PHLDB2: variants seen among roughly 807,000 people sequenced by gnomAD.
PHLDB2 encodes the protein pleckstrin homology like domain family B member 2, also known as pleckstrin homology-like domain family B member 2.
Under a neutral mutation model 123.6 loss-of-function variants are expected in PHLDB2, and 71 were observed. The observed-to-expected ratio is 0.57, with a 90% confidence interval of 0.47 to 0.70. The LOEUF (loss-of-function observed/expected upper bound fraction) is 0.70. PHLDB2 is among the 30% of genes least tolerant of loss of function. PHLDB2 has a pLI of 0.00. For synonymous variants in PHLDB2, 547 were observed against 541.6 expected, an observed-to-expected ratio of 1.01 and a Z score of -0.14; for missense variants, 1,446 against 1,519.5, an observed-to-expected ratio of 0.95 and a Z score of 0.80.
intron 1 of PHLDB2, among the ~76,000 whole-genome samples, chr3:111,772,807 A>G (rs2060201045): frequency 6.6e-6 from 1 of 152,182 alleles, no homozygotes; most frequent in Admixed American, 6.5e-5. Flanking sequence ...ACATGATTTC[A>G]TAAACACCTC....
At chr3:111,887,630 A>G (rs10934119) in intron 2 of PHLDB2, among the ~76,000 whole-genome samples, 73,707 of 151,974 alleles carry the variant, frequency 0.48, 18,695 homozygotes, top group East Asian at 0.78. Context: ...TGAAAAAATA[A>G]AACATTAAAA....
At chr3:111,915,713 C>G (rs191921290) in intron 3 of PHLDB2, 1 of 152,322 alleles carries the variant, frequency 6.6e-6, no homozygotes, top group Admixed American at 6.5e-5. Flanking sequence ...GACAAGGGTG[C>G]GCCACTGAGC....
At chr3:111,927,778 A>G (rs2068896425) in intron 5 of PHLDB2, among the ~76,000 whole-genome samples, 1 of 152,210 alleles carries the variant, frequency 6.6e-6, no homozygotes, top group Non-Finnish European at 1.5e-5. Flanking sequence ...GTAACCTTGA[A>G]CCATCTGTTT....
chr3:111,926,815 G>C (rs1239469329), intron 5 of PHLDB2, among the ~76,000 whole-genome samples: 1 of 152,146 alleles, frequency 6.6e-6, no homozygotes, highest in African/African-American at 2.4e-5. Context: ...TTGTAAGGTT[G>C]AATATTCATA....
At chr3:111,803,178 A>C (rs140249955) in intron 1 of PHLDB2, among the ~76,000 whole-genome samples, 1 of 152,344 alleles carries the variant, frequency 6.6e-6, no homozygotes, top group African/African-American at 2.4e-5. Flanking sequence ...AGAGGATGGA[A>C]GAACACAGCA....
intron 2 of PHLDB2, among the ~76,000 whole-genome samples, chr3:111,889,626 C>T (rs72938261): frequency 0.02 from 2,982 of 152,242 alleles, 104 homozygotes; most frequent in African/African-American, 0.066. Context: ...TGATTGAGCT[C>T]AGGAGATTGA....
intron 1 of PHLDB2, among the ~76,000 whole-genome samples, chr3:111,780,125 A>C (rs2060349195): frequency 6.6e-6 from 1 of 151,254 alleles, no homozygotes; most frequent in African/African-American, 2.4e-5. Flanking sequence ...TGCCCCCACC[A>C]AAACTCATGC....
At chr3:111,796,314 G>A (rs1220383965) in intron 1 of PHLDB2, among the ~76,000 whole-genome samples, 1 of 152,216 alleles carries the variant, frequency 6.6e-6, no homozygotes, top group African/African-American at 2.4e-5. Context: ...TACCAGAAGT[G>A]TTAAGACACT....
intron 1 of PHLDB2, among the ~76,000 whole-genome samples, chr3:111,844,238 A>G (rs2108569641): frequency 6.6e-6 from 1 of 152,290 alleles, no homozygotes; most frequent in Non-Finnish European, 1.5e-5. Flanking sequence ...CCATTTTGAA[A>G]AAAAACAAAA....
chr3:111,769,496 G>A (rs188798079), intron 1 of PHLDB2, among the ~76,000 whole-genome samples: 51 of 152,210 alleles, frequency 3.4e-4, no homozygotes, highest in South Asian at 8.3e-4. Flanking sequence ...TCCCTCATCT[G>A]AACAGTTTGT....
At chr3:111,791,680 A>G (rs1325261776) in intron 1 of PHLDB2, among the ~76,000 whole-genome samples, 1 of 152,108 alleles carries the variant, frequency 6.6e-6, no homozygotes, top group African/African-American at 2.4e-5. Flanking sequence ...TTTACATTCT[A>G]AATTTCGTCA....
intron 2 of PHLDB2, among the ~76,000 whole-genome samples, chr3:111,887,336 A>C (rs1157303885): frequency 3.9e-5 from 6 of 152,198 alleles, no homozygotes; most frequent in Non-Finnish European, 2.9e-5. Flanking sequence ...GTATTTGTTG[A>C]AATGAGGCTT....
chr3:111,746,978 T>C (rs1405152239), intron 1 of PHLDB2, among the ~76,000 whole-genome samples: 1 of 152,184 alleles, frequency 6.6e-6, no homozygotes, highest in Non-Finnish European at 1.5e-5. Context: ...AGGGAACGTT[T>C]CCACCTAGAA....
In PHLDB2 at chr3:111,913,363, C is replaced by T; in HGVS notation, c.1380C>T (p.Tyr460=). 1 of 1,612,612 alleles carries T rather than the reference C, an allele frequency of 6.2e-7. No individual in the cohort carries two copies. Among genetic ancestry groups the T allele is most frequent in the Non-Finnish European group, 8.5e-7 (1 of 1,179,204 alleles). The part of the protein sequence containing the change: ...LETILSLCAE[Y]TKPDSRLSTG... ...CCATCCTCAGTCTCTGTGCTGAATA[C>T]ACAAAGCCTGACAGTCGCTTATCTA... The change falls in exon 3 of 18, where the codon TAC becomes TAT. Residue 460 remains tyrosine (Y), a synonymous_variant. Coordinates refer to ENST00000431670, the MANE Select transcript of PHLDB2 (RefSeq NM_001134438.2).
chr3:111,831,013 G>GAAAGAAAGAAAGAAAGA (rs1553736466), intron 1 of PHLDB2, among the ~76,000 whole-genome samples: 1,108 of 102,130 alleles, frequency 0.011, 90 homozygotes, highest in Middle Eastern at 0.018. Flanking sequence ...AAGAAAGAAA[G>GAAAGAAAGAAAGAAAGA]AAAGAAAGAA....
chr3:111,914,096 T>A (rs544096313), intron 3 of PHLDB2: 2 of 169,194 alleles, frequency 1.2e-5, no homozygotes, highest in South Asian at 3.3e-4. Context: ...TCTGTACTTT[T>A]TTTCCCTCAC....
rs538555039 is a variant in PHLDB2 at position 111,904,277 on chromosome 3, C to CCAAAAAA, written c.1336-9042_1336-9041insCAAAAAA. ...TGGGTGACAGAGTGAGACCCTGTCT[C>CCAAAAAA]AAAAAAAAAAAAGGCCAAGGGTTCT... On this transcript the variant is annotated intron_variant, in intron 2 of 17. Transcript: ENST00000431670. 3.5e-5 allele frequency among the ~76,000 whole-genome samples: 3 copies of CCAAAAAA among 86,722 alleles called. 1 individual carries two copies. Among genetic ancestry groups the CCAAAAAA allele is most frequent in the African/African-American group, 1.2e-4 (3 of 24,220 alleles). 56.9% of individuals were successfully genotyped at this position (86,722 alleles called of 152,430 possible).
In PHLDB2 at chr3:111,974,832, A is replaced by T. The variant is rs3749300; in HGVS notation, c.*269A>T. ...TTGGATCACTTATAGGAACATTTCT[A>T]ATAAACTGTTTTTAATCAGTTGTCG... On this transcript the variant is annotated 3_prime_UTR_variant, in exon 18 of 18. Transcript: ENST00000431670. 51,440 of 255,612 alleles carry T rather than the reference A, an allele frequency of 0.2. 5,334 individuals are homozygous for T. Among genetic ancestry groups the T allele is most frequent in the Middle Eastern group, 0.28 (243 of 874 alleles). The allele number at this position is 255,612 out of a possible 1,614,324, so 15.8% of individuals were successfully genotyped here.
chr3:111,942,887 C>T lies in PHLDB2; in HGVS notation c.2397+2242C>T, dbSNP rs573351506. On this transcript the variant is annotated intron_variant, in intron 8 of 17. Coordinates refer to ENST00000431670, the MANE Select transcript of PHLDB2 (RefSeq NM_001134438.2). ...GTAATATTAAGTAAGTGTCTTCAAA[C>T]GGAAACACACATGAAACAAAGTTCA... Among the ~76,000 whole-genome samples, 45 of 151,216 alleles carry T rather than the reference C, an allele frequency of 3.0e-4. 1 individual carries two copies. Among genetic ancestry groups the T allele is most frequent in the South Asian group, 1.0e-3 (5 of 4,808 alleles).
Sources: allele counts gnomAD v4.1 joint callset (sites outside exome capture counted in the v4.1 genomes callset), GRCh38; gene constraint gnomAD v4.1.1; transcripts MANE v1.5; gene names NCBI Gene and HGNC (gene_info 2026-07-23, HGNC 2026-07-21).